The following TRIM44 variants were observed in gnomAD, a reference collection of about 807,000 sequenced individuals.
TRIM44 encodes the protein tripartite motif containing 44, also known as tripartite motif-containing protein 44.
Under a neutral mutation model 37.4 loss-of-function variants are expected in TRIM44, and 13 were observed. The observed-to-expected ratio is 0.35, with a 90% CI of 0.23 to 0.55. TRIM44 has a LOEUF of 0.55. Ranked by LOEUF, TRIM44 falls within the 20% of genes least tolerant of loss-of-function variation. The probability of loss-of-function intolerance (pLI) is 0.89; values close to 1 mark genes in which losing one functional copy is unlikely to be tolerated. For synonymous variants in TRIM44, 175 were observed against 157.2 expected, an observed-to-expected ratio of 1.11 and a Z score of -0.85; for missense variants, 426 against 437.2, an observed-to-expected ratio of 0.97 and a Z score of 0.23.
intron 3 of TRIM44, among the ~76,000 whole-genome samples, chr11:35,733,730 C>T (rs1852294759): frequency 6.6e-6 from 1 of 152,146 alleles, no homozygotes; most frequent in African/African-American, 2.4e-5. Context: ...CTGGCAGTCT[C>T]CCTTTACCTC....
intron 4 of TRIM44, among the ~76,000 whole-genome samples, chr11:35,776,420 A>G (rs991009665): frequency 2.0e-5 from 3 of 152,060 alleles, no homozygotes; most frequent in Non-Finnish European, 4.4e-5. Context: ...TCCTGGATTC[A>G]TTGATTTTTT....
At chr11:35,752,612 G>A (rs1378285939) in intron 4 of TRIM44, among the ~76,000 whole-genome samples, 1 of 152,126 alleles carries the variant, frequency 6.6e-6, no homozygotes, top group Non-Finnish European at 1.5e-5. Context: ...GTGGGGGAAA[G>A]AGAGCCTATA....
At chr11:35,742,601 AATTAT>A (rs1402199636) in intron 4 of TRIM44, among the ~76,000 whole-genome samples, 5 of 131,636 alleles carry the variant, frequency 3.8e-5, no homozygotes, top group Admixed American at 8.4e-5. Context: ...TATTATATAT[AATTAT>A]ATTAATTATA....
intron 2 of TRIM44, among the ~76,000 whole-genome samples, chr11:35,704,793 G>A (rs558491897): frequency 1.3e-5 from 2 of 152,308 alleles, no homozygotes; most frequent in Non-Finnish European, 2.9e-5. Flanking sequence ...ACCGGTACCA[G>A]CCACTGCAAA....
At chr11:35,755,507 A>T (rs1400913822) in intron 4 of TRIM44, among the ~76,000 whole-genome samples, 1 of 151,948 alleles carries the variant, frequency 6.6e-6, no homozygotes, top group African/African-American at 2.4e-5. Context: ...TCTTTAGTTT[A>T]ATTAGATCCC....
rs144597814 is a variant in TRIM44 at position 35,775,998 on chromosome 11, G to A, written c.1008-30360G>A. On this transcript the variant is annotated intron_variant, in intron 4 of 4. Coordinates refer to ENST00000299413, the MANE Select transcript of TRIM44 (RefSeq NM_017583.6). ...TGCTGGCCTCATAAAATGAGTTAGA[G>A]AGGATTCCCTCTCTTTTTATTGATT... Among the ~76,000 whole-genome samples the A allele has an allele frequency of 2.5e-3, 385 of 152,316 alleles. 3 individuals are homozygous for A. The highest frequency in any genetic ancestry group is 8.7e-3 in the African/African-American group (362 of 41,570).
intron 2 of TRIM44, among the ~76,000 whole-genome samples, chr11:35,724,563 A>T (rs1281755338): frequency 1.3e-5 from 2 of 152,212 alleles, no homozygotes; most frequent in Non-Finnish European, 2.9e-5. Flanking sequence ...ATAATCATAA[A>T]ATAAACATGG....
At chr11:35,796,598 C>G (rs1161383193) in intron 4 of TRIM44, among the ~76,000 whole-genome samples, 6 of 152,124 alleles carry the variant, frequency 3.9e-5, no homozygotes, top group Non-Finnish European at 5.9e-5. Context: ...GCTTCTAACT[C>G]TCCACCCCCT....
At chr11:35,701,460 A>C (rs902925820) in intron 2 of TRIM44, among the ~76,000 whole-genome samples, 1 of 152,210 alleles carries the variant, frequency 6.6e-6, no homozygotes, top group East Asian at 1.9e-4. Flanking sequence ...AGGAAAATTT[A>C]AGATAGTTAA....
At chr11:35,755,247 A>G (rs558808961) in intron 4 of TRIM44, among the ~76,000 whole-genome samples, 1,582 of 152,250 alleles carry the variant, frequency 0.01, 11 homozygotes, top group Admixed American at 0.017. Context: ...GCATTTCTCC[A>G]ATGGCCAGTA....
Position 35,791,158 on chromosome 11 carries a change from C to T in TRIM44, c.1008-15200C>T, listed in dbSNP as rs566196006. 3.4e-4 allele frequency among the ~76,000 whole-genome samples: 52 copies of T among 152,176 alleles called. 1 individual carries two copies. Among genetic ancestry groups the T allele is most frequent in the Non-Finnish European group, 6.5e-4 (44 of 68,016 alleles). ...CTTGGGAGCAAGTGTCCATTTGCTC[C>T]AGACCCCCAGCATCATGACATTGGC... On this transcript the variant is annotated intron_variant, in intron 4 of 4. Transcript: ENST00000299413.
intron 4 of TRIM44, among the ~76,000 whole-genome samples, chr11:35,739,478 A>G (rs919521942): frequency 1.3e-5 from 2 of 152,194 alleles, no homozygotes; most frequent in African/African-American, 4.8e-5. Context: ...TCCTCAGAAT[A>G]TGACTGGTCT....
intron 1 of TRIM44, among the ~76,000 whole-genome samples, chr11:35,665,596 T>G (rs1055576024): frequency 5.8e-5 from 8 of 137,816 alleles, no homozygotes; most frequent in Non-Finnish European, 7.9e-5. Context: ...GTTTTTTTTT[T>G]TTTTTTTTTT....
intron 4 of TRIM44, among the ~76,000 whole-genome samples, chr11:35,772,226 G>T (rs1261754301): frequency 2.6e-5 from 4 of 152,234 alleles, no homozygotes; most frequent in Non-Finnish European, 5.9e-5. Context: ...ATGCCTGGAT[G>T]CCCAGGCATA....
intron 4 of TRIM44, among the ~76,000 whole-genome samples, chr11:35,804,083 A>G (rs1267182786): frequency 6.6e-6 from 1 of 151,978 alleles, no homozygotes; most frequent in Non-Finnish European, 1.5e-5. Flanking sequence ...TGTTCATCTT[A>G]TTCATTTTTG....
chr11:35,674,683 A>AT (rs1249742058), intron 1 of TRIM44, among the ~76,000 whole-genome samples: 2 of 152,214 alleles, frequency 1.3e-5, no homozygotes, highest in African/African-American at 4.8e-5. Context: ...TCTTAAACTA[A>AT]TTTTATTCAT....
intron 2 of TRIM44, among the ~76,000 whole-genome samples, chr11:35,694,243 C>T (rs1325280967): frequency 2.0e-5 from 3 of 152,154 alleles, no homozygotes; most frequent in African/African-American, 2.4e-5. Flanking sequence ...ACGTGGGATA[C>T]GTTTCTAATC....
At chr11:35,745,247 C>T (rs1393793424) in intron 4 of TRIM44, among the ~76,000 whole-genome samples, 1 of 152,176 alleles carries the variant, frequency 6.6e-6, no homozygotes, top group Non-Finnish European at 1.5e-5. Context: ...GATGGTATCT[C>T]ATTGTAATTT....
At chr11:35,750,749 T>A (rs1048945655) in intron 4 of TRIM44, among the ~76,000 whole-genome samples, 7 of 152,192 alleles carry the variant, frequency 4.6e-5, no homozygotes, top group Admixed American at 3.3e-4. Context: ...AGAGTCATTA[T>A]CTTAGTTGAA....
Sources: gnomAD v4.1 joint callset for allele counts (sites outside exome capture counted in the v4.1 genomes callset) on GRCh38, gnomAD v4.1.1 for gene constraint, MANE v1.5 for transcripts, NCBI Gene and HGNC (gene_info 2026-07-23, HGNC 2026-07-21) for gene names.